ACTN4: variants seen among roughly 807,000 people sequenced by gnomAD.
The protein encoded by ACTN4 is alpha-actinin-4.
ACTN4 carries 18 observed loss-of-function variants against 114.2 expected under a neutral mutation model. The observed-to-expected ratio is 0.16, with a 90% CI of 0.11 to 0.23. The LOEUF (loss-of-function observed/expected upper bound fraction) is 0.23. ACTN4 is among the 10% of genes least tolerant of loss of function. ACTN4 has a pLI of 1.00. For synonymous variants in ACTN4, 515 were observed against 506.3 expected (o/e 1.02, Z -0.23); for missense variants, 722 against 1,262.9 (o/e 0.57, Z 6.49).
intron 5 of ACTN4, among the ~76,000 whole-genome samples, chr19:38,706,668 C>T (rs1353746876): frequency 6.6e-6 from 1 of 152,200 alleles, no homozygotes; most frequent in Non-Finnish European, 1.5e-5. Flanking sequence ...GTCCTCCTAC[C>T]CCGGCCTCCC....
At chr19:38,688,936 G>A (rs1321899841) in intron 1 of ACTN4, among the ~76,000 whole-genome samples, 1 of 152,166 alleles carries the variant, frequency 6.6e-6, no homozygotes, top group Admixed American at 6.6e-5. Flanking sequence ...TTTTAGTAGA[G>A]ACGGGGTTTC....
At chr19:38,686,781 G>GGGTTGGTT (rs1003232310) in intron 1 of ACTN4, among the ~76,000 whole-genome samples, 1 of 152,044 alleles carries the variant, frequency 6.6e-6, no homozygotes, top group Non-Finnish European at 1.5e-5. Flanking sequence ...TGAGTGGTTT[G>GGGTTGGTT]GGTTGGTTGG....
intron 1 of ACTN4, among the ~76,000 whole-genome samples, chr19:38,660,735 T>TA: frequency 6.6e-6 from 1 of 152,314 alleles, no homozygotes; most frequent in Non-Finnish European, 1.5e-5. Flanking sequence ...CAGGTGTTGT[T>TA]ACCCTTACAT....
intron 3 of ACTN4, among the ~76,000 whole-genome samples, chr19:38,704,527 G>C (rs35436155): frequency 6.6e-6 from 1 of 152,242 alleles, no homozygotes; most frequent in African/African-American, 2.4e-5. Context: ...GTGGGGGCCC[G>C]GGGTGCCCCC....
Position 38,730,621 on chromosome 19 carries a change from T to TCAAC in ACTN4, c.*1190_*1193dup. On this transcript the variant is annotated 3_prime_UTR_variant, in exon 21 of 21. Coordinates refer to ENST00000252699, the MANE Select transcript of ACTN4 (RefSeq NM_004924.6). ...GCAGAGCTAGCACTGTCTTAAGCTG[T>TCAAC]CAACGTGGACTAGCTCGTGTCATCT... 1.6e-6 allele frequency: 1 copy of TCAAC among 607,058 alleles called. No homozygotes were observed. Among genetic ancestry groups the TCAAC allele is most frequent in the South Asian group, 1.9e-5 (1 of 51,548 alleles). 37.6% of individuals were successfully genotyped at this position (607,058 alleles called of 1,614,324 possible). A position where few individuals can be genotyped will look rare whatever the true frequency, so the allele number is the denominator to read the frequency against.
At chr19:38,683,031 A>G (rs898776368) in intron 1 of ACTN4, among the ~76,000 whole-genome samples, 13 of 152,172 alleles carry the variant, frequency 8.5e-5, no homozygotes, top group African/African-American at 3.1e-4. Context: ...ATGTCTGTTT[A>G]ATCCCAGTGC....
chr19:38,692,276 CA>C (rs1347197503), intron 1 of ACTN4, among the ~76,000 whole-genome samples: 3 of 152,256 alleles, frequency 2.0e-5, no homozygotes, highest in African/African-American at 7.2e-5. Context: ...GGGTCCTGGA[CA>C]GGCTGCCCCG....
intron 1 of ACTN4, among the ~76,000 whole-genome samples, chr19:38,687,879 C>G (rs1398613333): frequency 6.6e-6 from 1 of 152,206 alleles, no homozygotes; most frequent in Non-Finnish European, 1.5e-5. Context: ...TAAGGGTCTA[C>G]TGTCCAAAAT....
At chr19:38,692,596 T>C (rs1967965970) in intron 1 of ACTN4, among the ~76,000 whole-genome samples, 1 of 152,130 alleles carries the variant, frequency 6.6e-6, no homozygotes, top group African/African-American at 2.4e-5. Flanking sequence ...TGAAAGCGCC[T>C]TTATAGTTGG....
intron 1 of ACTN4, among the ~76,000 whole-genome samples, chr19:38,686,218 C>G (rs533256901): frequency 1.3e-5 from 2 of 152,302 alleles, no homozygotes; most frequent in African/African-American, 4.8e-5. Flanking sequence ...TGAACAAATC[C>G]CTGGGCGGAT....
chr19:38,677,006 C>T (rs1429142940), intron 1 of ACTN4, among the ~76,000 whole-genome samples: 1 of 152,166 alleles, frequency 6.6e-6, no homozygotes, highest in Non-Finnish European at 1.5e-5. Context: ...GTGCTCCGGG[C>T]GCATGCCAGC....
chr19:38,665,548 C>T (rs917275218), intron 1 of ACTN4, among the ~76,000 whole-genome samples: 2 of 152,172 alleles, frequency 1.3e-5, no homozygotes, highest in Non-Finnish European at 2.9e-5. Flanking sequence ...AAACATACAC[C>T]CCTTTCCTCC....
rs1599749619 is a variant in ACTN4 at position 38,647,796 on chromosome 19, C to T, written c.51C>T (p.Ser17=). 1.3e-6 allele frequency: 2 copies of T among 1,554,758 alleles called. No homozygotes were observed. The highest frequency in any genetic ancestry group is 1.9e-5 in the Admixed American group (1 of 52,310). Residue 17 remains serine, a synonymous_variant, in exon 1 of 21, where the codon AGC becomes AGT. Transcript: ENST00000252699. ...AGTCGTACCAGTACGGCCCCAGCAG[C>T]GCGGGCAATGGCGCTGGCGGCGGGG... ...ANQSYQYGPS[S]AGNGAGGGGS...
chr19:38,657,739 G>A (rs1976754452), intron 1 of ACTN4, among the ~76,000 whole-genome samples: 1 of 152,106 alleles, frequency 6.6e-6, no homozygotes, highest in African/African-American at 2.4e-5. Context: ...AGGTGGTTCG[G>A]CATCTGGACA....
chr19:38,728,164 C>T lies in ACTN4; in HGVS notation c.2418+138C>T, dbSNP rs578225346. ...GGCTCTCTTGCCTCCCTGCCCACAT[C>T]TCCCTGGACCCCTTCCCTTTTACCT... On this transcript the variant is annotated intron_variant, in intron 19 of 20. Transcript: ENST00000252699. 3 of 1,298,820 alleles carry T rather than the reference C, an allele frequency of 2.3e-6. No homozygotes were observed. The Admixed American group carries it at 5.9e-5, about 26-fold the overall frequency. The allele number at this position is 1,298,820 out of a possible 1,614,324, so 80.5% of individuals were successfully genotyped here. A position where few individuals can be genotyped will look rare whatever the true frequency, so the allele number is the denominator to read the frequency against.
Position 38,700,648 on chromosome 19 carries a change from A to G in ACTN4, c.211A>G (p.Ile71Val). 1 of 1,614,178 alleles carries G rather than the reference A, an allele frequency of 6.2e-7. No homozygotes were observed. The highest frequency in any genetic ancestry group is 8.5e-7 in the Non-Finnish European group (1 of 1,180,040). ...CCACCTGCGGAAGGCAGGCACACAG[A>G]TCGAGAACATTGATGAGGACTTCCG... ...NSHLRKAGTQ[I>V]ENIDEDFRDG... Residue 71 changes from isoleucine (I) to valine (V), a missense_variant, in exon 2 of 21, where the codon ATC (isoleucine) becomes GTC (valine). Transcript: ENST00000252699.
At position 38,725,628 on chromosome 19, in the gene ACTN4, G is replaced by A. The variant is rs531121423; in HGVS notation, c.2011-96G>A. 2.7e-4 allele frequency: 395 copies of A among 1,453,210 alleles called. No homozygotes were observed. The African/African-American group carries it at 4.8e-3, about 18-fold the overall frequency. 90.0% of individuals were successfully genotyped at this position (1,453,210 alleles called of 1,614,324 possible). A position where few individuals can be genotyped will look rare whatever the true frequency, so the allele number is the denominator to read the frequency against. ...AGGCCCCAGGCCAAAGGGGCCCCGG[G>A]GAAGATGCAGGCCAGCAGCGCGAGT... On this transcript the variant is annotated intron_variant, in intron 16 of 20. Coordinates refer to ENST00000252699, the MANE Select transcript of ACTN4 (RefSeq NM_004924.6).
intron 1 of ACTN4, among the ~76,000 whole-genome samples, chr19:38,680,334 G>A (rs1156866383): frequency 6.7e-6 from 1 of 148,810 alleles, no homozygotes; most frequent in South Asian, 2.2e-4. Context: ...GTTCAAGCAA[G>A]CACGTCTGGG....
In ACTN4 at chr19:38,719,453, G is replaced by A. The variant is rs117893699; in HGVS notation, c.1291+1379G>A. Among the ~76,000 whole-genome samples, 25 of 152,304 alleles carry A rather than the reference G, an allele frequency of 1.6e-4. No homozygotes were observed. The East Asian group carries it at 4.3e-3, about 26-fold the overall frequency. On this transcript the variant is annotated intron_variant, in intron 11 of 20. Transcript: ENST00000252699. ...CATGAGCTCAGCTCGCCATTCCCGC[G>A]GCAGCTGCCAGCCTCAGAGCAGCCC...
Sources: gnomAD v4.1 joint callset for allele counts (sites outside exome capture counted in the v4.1 genomes callset) on GRCh38, gnomAD v4.1.1 for gene constraint, MANE v1.5 for transcripts, NCBI Gene and HGNC (gene_info 2026-07-23, HGNC 2026-07-21) for gene names.